RPS19: variants seen among roughly 807,000 people sequenced by gnomAD.
RPS19 encodes small ribosomal subunit protein eS19.
A neutral mutation model predicts 20.3 loss-of-function variants in RPS19; 1 was observed. The ratio of observed to expected loss-of-function variants is 0.05; its 90% confidence interval spans 0.02 to 0.23. RPS19 has a LOEUF of 0.23. Among genes scored for constraint, RPS19 ranks in the 10% least tolerant of loss-of-function variants. RPS19 has a pLI of 1.00. For missense variants in RPS19, 111 were observed against 192.7 expected (o/e 0.58, Z 2.51); for synonymous variants, 87 against 74.8 (o/e 1.16, Z -0.84).
At position 41,872,389 on chromosome 19, in the gene RPS19, G is replaced by C. The variant is rs1422284374; in HGVS notation, c.*1012G>C. On this transcript the variant is annotated 3_prime_UTR_variant, in exon 6 of 6. Transcript: ENST00000598742. ...TGACCCATTTCCTGGAAAGGGGCGA[G>C]CCTGGGTTTTGAAGTTCAAACTAGA... 6.6e-6 allele frequency: 1 copy of C among 152,268 alleles called. No individual in the cohort carries two copies. The highest frequency in any genetic ancestry group is 2.4e-5 in the African/African-American group (1 of 41,466). 9.4% of individuals were successfully genotyped at this position (152,268 alleles called of 1,614,324 possible).
Position 41,860,762 on chromosome 19 carries a change from C to G in RPS19, c.1-13C>G. On this transcript the variant is annotated splice_polypyrimidine_tract_variant and intron_variant, in intron 1 of 5. Transcript: ENST00000598742. ...GCCAGGCCTGTGTTCACATGCTTGA[C>G]TTTCTCCCTCAGATGCCTGGAGTTA... The G allele has an allele frequency of 6.2e-7, 1 of 1,609,646 alleles. No homozygotes were observed. Among genetic ancestry groups the G allele is most frequent in the Non-Finnish European group, 8.5e-7 (1 of 1,175,882 alleles).
chr19:41,865,949 T>TAAAAAA lies in RPS19; in HGVS notation c.173-3065_173-3060dup, dbSNP rs35155067. On this transcript the variant is annotated intron_variant, in intron 3 of 5. Transcript: ENST00000598742. Reference sequence around the variant, plus strand: ...GGGCGACAGAGTGAGACTCCGTCTTTAAAAAAAAAAAAAAAAAAAAAAGGC... The same window carrying TAAAAAA: ...GGGCGACAGAGTGAGACTCCGTCTTTAAAAAAAAAAAAAAAAAAAAAAAAAAAAGGC... Among the ~76,000 whole-genome samples, 342 of 74,504 alleles carry TAAAAAA rather than the reference T, an allele frequency of 4.6e-3. 2 individuals are homozygous for TAAAAAA. Among genetic ancestry groups the TAAAAAA allele is most frequent in the Non-Finnish European group, 7.4e-3 (293 of 39,620 alleles). 48.9% of individuals were successfully genotyped at this position (74,504 alleles called of 152,430 possible). A position where few individuals can be genotyped will look rare whatever the true frequency, so the allele number is the denominator to read the frequency against.
At chr19:41,867,930 C>T (rs2074106726) in intron 3 of RPS19, among the ~76,000 whole-genome samples, 1 of 152,188 alleles carries the variant, frequency 6.6e-6, no homozygotes, top group Non-Finnish European at 1.5e-5. Flanking sequence ...ATATGAAGGG[C>T]TGGCTGTATC....
Position 41,872,768 on chromosome 19 carries a change from A to G in RPS19, c.*1391A>G, listed in dbSNP as rs1037994611. ...AAATTAGTTGGGCATGGTGGCGCGC[A>G]CCTGTAATCCCAGCTACTCAGGAGG... On this transcript the variant is annotated 3_prime_UTR_variant, in exon 6 of 6. Transcript: ENST00000598742. 2 of 152,104 alleles carry G rather than the reference A, an allele frequency of 1.3e-5. No individual in the cohort carries two copies. Among genetic ancestry groups the G allele is most frequent in the Non-Finnish European group, 1.5e-5 (1 of 68,044 alleles). The allele number at this position is 152,104 out of a possible 1,614,324, so 9.4% of individuals were successfully genotyped here.
At position 41,869,682 on chromosome 19, in the gene RPS19, C is replaced by T. The variant is rs782356785; in HGVS notation, c.357-17C>T. ...CCTGTGCTCACTGGGGCCTGCATGA[C>T]CCTTCCCTCCCCACAGCGGCCGCAA... On this transcript the variant is annotated splice_polypyrimidine_tract_variant and intron_variant, in intron 4 of 5. Coordinates refer to ENST00000598742, the MANE Select transcript of RPS19 (RefSeq NM_001022.4). 2.3e-5 allele frequency: 37 copies of T among 1,613,434 alleles called. No individual in the cohort carries two copies. In the South Asian group the frequency reaches 3.5e-4, roughly 15 times the overall value.
At chr19:41,865,597 G>A (rs113356974) in intron 3 of RPS19, among the ~76,000 whole-genome samples, 1,776 of 152,208 alleles carry the variant, frequency 0.012, 35 homozygotes, top group African/African-American at 0.037. Flanking sequence ...CCCATTTCTG[G>A]TGTACAGCCG....
intron 3 of RPS19, among the ~76,000 whole-genome samples, chr19:41,867,804 T>G (rs962818064): frequency 7.2e-5 from 11 of 152,196 alleles, no homozygotes; most frequent in African/African-American, 2.4e-4. Flanking sequence ...GGCCCTTTTT[T>G]TGTGTTTTAA....
At chr19:41,867,983 G>A (rs1209266620) in intron 3 of RPS19, among the ~76,000 whole-genome samples, 1 of 152,168 alleles carries the variant, frequency 6.6e-6, no homozygotes, top group African/African-American at 2.4e-5. Context: ...AACAAGCGGT[G>A]TGTAAGAACT....
intron 3 of RPS19, chr19:41,861,513 A>C: frequency 2.5e-6 from 1 of 401,196 alleles, no homozygotes; most frequent in Non-Finnish European, 4.7e-6. Flanking sequence ...ACGGAGGCAG[A>C]CTCCCTGGGT....
At chr19:41,868,919 T>C in intron 3 of RPS19, 112 bp from the exon 4 acceptor site, 2 of 1,136,668 alleles carry the variant, frequency 1.8e-6, no homozygotes, top group Non-Finnish European at 2.6e-6. Flanking sequence ...TTAGTGTGTG[T>C]TTTCAGTTTC....
At chr19:41,868,650 C>T (rs1014150859) in intron 3 of RPS19, among the ~76,000 whole-genome samples, 84 of 152,274 alleles carry the variant, frequency 5.5e-4, no homozygotes, top group Admixed American at 5.2e-3. Flanking sequence ...ATCCTGAGCT[C>T]TCCAGACTGA....
Position 41,871,425 on chromosome 19 carries a change from T to A in RPS19, c.*48T>A. On this transcript the variant is annotated 3_prime_UTR_variant, in exon 6 of 6. Coordinates refer to ENST00000598742, the MANE Select transcript of RPS19 (RefSeq NM_001022.4). ...AATTGCCTCATTCGTAATCCTGGTCTGGGTCTCTTTTTTGAGTCTCTTGCT... is the reference window on the plus strand; with the variant it reads ...AATTGCCTCATTCGTAATCCTGGTCAGGGTCTCTTTTTTGAGTCTCTTGCT... 1 of 1,576,634 alleles carries A rather than the reference T, an allele frequency of 6.3e-7. No individual in the cohort carries two copies. Among genetic ancestry groups the A allele is most frequent in the Non-Finnish European group, 8.7e-7 (1 of 1,146,960 alleles).
rs2074140322 is a variant in RPS19 at position 41,870,848 on chromosome 19, CCTTTTT to C, written c.412-502_412-497del. On this transcript the variant is annotated intron_variant, in intron 5 of 5. Coordinates refer to ENST00000598742, the MANE Select transcript of RPS19 (RefSeq NM_001022.4). ...TTGGACTCCACTCCGCCACTCCCTTCCTTTTTTTTTTTTTTTTTTTTTTTTTTTTTT... is the reference window on the plus strand; with the variant it reads ...TTGGACTCCACTCCGCCACTCCCTTCTTTTTTTTTTTTTTTTTTTTTTTTT... Among the ~76,000 whole-genome samples the C allele has an allele frequency of 9.3e-5, 8 of 85,806 alleles. 1 individual carries two copies. Among genetic ancestry groups the C allele is most frequent in the African/African-American group, 2.7e-4 (6 of 22,592 alleles). 56.3% of individuals were successfully genotyped at this position (85,806 alleles called of 152,430 possible).
chr19:41,872,418 T>A lies in RPS19; in HGVS notation c.*1041T>A, dbSNP rs992514989. On this transcript the variant is annotated 3_prime_UTR_variant, in exon 6 of 6. Transcript: ENST00000598742. Reference sequence around the variant, plus strand: ...GGGTTTTGAAGTTCAAACTAGAGTTTAAATCACAACTCTGCCCCTAATCCC... The same window carrying A: ...GGGTTTTGAAGTTCAAACTAGAGTTAAAATCACAACTCTGCCCCTAATCCC... The A allele has an allele frequency of 6.6e-6, 1 of 152,270 alleles. No individual in the cohort carries two copies. The highest frequency in any genetic ancestry group is 1.5e-5 in the Non-Finnish European group (1 of 68,058). The allele number at this position is 152,270 out of a possible 1,614,324, so 9.4% of individuals were successfully genotyped here.
intron 3 of RPS19, among the ~76,000 whole-genome samples, chr19:41,867,230 C>T (rs1410191633): frequency 6.6e-6 from 1 of 151,692 alleles, no homozygotes; most frequent in African/African-American, 2.4e-5. Flanking sequence ...GTTACCACTG[C>T]ACTCCAGCCT....
At chr19:41,871,256 G>T in intron 5 of RPS19, 95 bp from the exon 6 acceptor site, 1 of 1,010,198 alleles carries the variant, frequency 9.9e-7, no homozygotes. Flanking sequence ...CACAAATCGG[G>T]GTGCCCACCT....
At chr19:41,869,587 C>G (rs782203924) in intron 4 of RPS19, 112 bp from the exon 5 acceptor site, 13 of 1,175,260 alleles carry the variant, frequency 1.1e-5, no homozygotes, top group Non-Finnish European at 1.6e-5. Flanking sequence ...CTCAGTGGGA[C>G]TTGGCTGGCG....
intron 3 of RPS19, among the ~76,000 whole-genome samples, chr19:41,867,792 G>A (rs1600619278): frequency 6.6e-6 from 1 of 152,302 alleles, no homozygotes; most frequent in East Asian, 1.9e-4. Context: ...GTGACAGAAT[G>A]AGGCCCTTTT....
At chr19:41,865,632 G>A (rs148356823) in intron 3 of RPS19, among the ~76,000 whole-genome samples, 268 of 152,258 alleles carry the variant, frequency 1.8e-3, no homozygotes, top group African/African-American at 6.2e-3. Flanking sequence ...GCGCTTAGGA[G>A]TGTGTGCCTT....
Sources: allele counts gnomAD v4.1 joint callset (sites outside exome capture counted in the v4.1 genomes callset), GRCh38; gene constraint gnomAD v4.1.1; transcripts MANE v1.5; gene names NCBI Gene and HGNC (gene_info 2026-07-23, HGNC 2026-07-21).